ZNF560: variants seen among roughly 807,000 people sequenced by gnomAD.
ZNF560 encodes the protein zinc finger protein 560.
A neutral mutation model predicts 81.8 loss-of-function variants in ZNF560; 54 were observed. That is an observed-to-expected ratio of 0.66 (90% CI 0.53 to 0.83). The LOEUF is 0.83. ZNF560 is among the 40% of genes least tolerant of loss of function. The probability of loss-of-function intolerance (pLI) is 0.00; values close to 1 mark genes in which losing one functional copy is unlikely to be tolerated. For synonymous variants in ZNF560, 321 were observed against 317.9 expected (o/e 1.01, Z -0.10); for missense variants, 940 against 932.4 (o/e 1.01, Z -0.11).
chr19:9,493,555 G>T (rs1049969485), intron 2 of ZNF560, among the ~76,000 whole-genome samples: 1 of 151,870 alleles, frequency 6.6e-6, no homozygotes, highest in African/African-American at 2.4e-5. Flanking sequence ...AGAGACAGGG[G>T]TTCACCATGT....
chr19:9,484,669 G>A (rs565061109), intron 2 of ZNF560, among the ~76,000 whole-genome samples: 10 of 150,806 alleles, frequency 6.6e-5, no homozygotes, highest in South Asian at 6.3e-4. Context: ...CACAGCGCGC[G>A]CTACTTGGGA....
rs1234490005 is a variant in ZNF560, at chr19:9,486,689, A to G, written c.-56-11320T>C. Among the ~76,000 whole-genome samples, 5 of 151,962 alleles carry G rather than the reference A, an allele frequency of 3.3e-5. No individual in the cohort carries two copies. The East Asian group carries it at 7.7e-4, about 23-fold the overall frequency. On this transcript the variant is annotated intron_variant, in intron 2 of 9. Coordinates refer to ENST00000301480, the MANE Select transcript of ZNF560 (RefSeq NM_152476.3). Reference sequence around the variant, plus strand: ...CAGGAGGTGGAGGTTGCAGTGAGCCAAGATCATGCCACTGCACTCTAGCCT... The same window carrying G: ...CAGGAGGTGGAGGTTGCAGTGAGCCGAGATCATGCCACTGCACTCTAGCCT...
chr19:9,482,980 G>A (rs2144710820), intron 2 of ZNF560, among the ~76,000 whole-genome samples: 1 of 152,320 alleles, frequency 6.6e-6, no homozygotes, highest in Admixed American at 6.5e-5. Flanking sequence ...TGTTGCTCAG[G>A]CTGGAGTGCA....
chr19:9,494,063 C>T (rs148772180), intron 2 of ZNF560, among the ~76,000 whole-genome samples: 322 of 141,046 alleles, frequency 2.3e-3, no homozygotes, highest in African/African-American at 8.3e-3. Flanking sequence ...ACCTGGGAGG[C>T]GGAGGTTGCA....
At chr19:9,454,320 T>C in the ZNF560 span, among the ~76,000 whole-genome samples, 1 of 152,212 alleles carries the variant, frequency 6.6e-6, no homozygotes, top group African/African-American at 2.4e-5. Context: ...CATTGCACTC[T>C]CTTTTTGTGT....
At chr19:9,501,321 G>C (rs974157633), upstream of ZNF560, among the ~76,000 whole-genome samples, 4 of 128,990 alleles carry the variant, frequency 3.1e-5, no homozygotes, top group Admixed American at 2.6e-4. Flanking sequence ...ACCATGCCTG[G>C]CTACTTTGTG....
chr19:9,498,996 G>A (rs1226809742), upstream of ZNF560, among the ~76,000 whole-genome samples: 2 of 152,172 alleles, frequency 1.3e-5, no homozygotes, highest in African/African-American at 4.8e-5. Context: ...TTGATAACCT[G>A]CCAATCCACA....
intron 2 of ZNF560, among the ~76,000 whole-genome samples, chr19:9,485,689 G>A (rs1189193569): frequency 6.6e-6 from 1 of 151,832 alleles, no homozygotes; most frequent in Admixed American, 6.6e-5. Context: ...GGGATGACAG[G>A]CGTGCACTGC....
chr19:9,486,196 C>A (rs73501874), intron 2 of ZNF560, among the ~76,000 whole-genome samples: 2 of 152,082 alleles, frequency 1.3e-5, no homozygotes, highest in Non-Finnish European at 2.9e-5. Flanking sequence ...GATAATTACC[C>A]CTCTTCCTGG....
chr19:9,479,797 G>A (rs548118332), intron 2 of ZNF560, among the ~76,000 whole-genome samples: 10 of 152,006 alleles, frequency 6.6e-5, no homozygotes, highest in Non-Finnish European at 1.3e-4. Flanking sequence ...ATGAGAGGAT[G>A]TGCATGATTT....
Position 9,468,205 on chromosome 19 carries a change from C to T in ZNF560, c.742G>A (p.Ala248Thr). The change falls in exon 10 of 10, where the codon GCA becomes ACA. Residue 248 changes from alanine (A) to threonine (T), a missense_variant. Physicochemically the swap from Ala to Thr is moderately conservative, Grantham distance 58. Transcript: ENST00000301480. ...RGNTSECIQY[A>T]KDLLSLYNKT... ...TTGTATAGAGAAAGGAGGTCTTTTGCATACTGAATACATTCAGACGTGTTG... is the reference window on the plus strand; with the variant it reads ...TTGTATAGAGAAAGGAGGTCTTTTGTATACTGAATACATTCAGACGTGTTG... 6.2e-7 allele frequency: 1 copy of T among 1,614,134 alleles called. No individual in the cohort carries two copies. The highest frequency in any genetic ancestry group is 2.2e-5 in the East Asian group (1 of 44,866).
At chr19:9,464,426 G>A (rs559621645), downstream of ZNF560, among the ~76,000 whole-genome samples, 12 of 152,262 alleles carry the variant, frequency 7.9e-5, no homozygotes, top group Middle Eastern at 3.4e-3. Flanking sequence ...CACCTCTCCA[G>A]GTGAAGGGTT....
At chr19:9,478,752 C>G (rs2073240716) in intron 2 of ZNF560, among the ~76,000 whole-genome samples, 1 of 151,728 alleles carries the variant, frequency 6.6e-6, no homozygotes, top group Non-Finnish European at 1.5e-5. Flanking sequence ...AACCACAAAG[C>G]AAAAATGTAT....
chr19:9,502,586 G>C (rs1032270705), upstream of ZNF560, among the ~76,000 whole-genome samples: 4 of 152,322 alleles, frequency 2.6e-5, no homozygotes, highest in East Asian at 7.7e-4. Flanking sequence ...CAATTCATTT[G>C]TGAATTGACA....
the ZNF560 span, among the ~76,000 whole-genome samples, chr19:9,448,619 CT>C: frequency 1.3e-5 from 2 of 152,092 alleles, no homozygotes; most frequent in African/African-American, 4.8e-5. Flanking sequence ...GCCCACAGAC[CT>C]TTTGAAGCAA....
chr19:9,495,197 G>A (rs1413014112), intron 2 of ZNF560, among the ~76,000 whole-genome samples: 2 of 151,990 alleles, frequency 1.3e-5, no homozygotes, highest in Admixed American at 6.6e-5. Flanking sequence ...TTTCAGCTAA[G>A]GCAATTAAAC....
intron 2 of ZNF560, among the ~76,000 whole-genome samples, chr19:9,486,722 A>T (rs1233867687): frequency 6.6e-6 from 1 of 151,920 alleles, no homozygotes; most frequent in African/African-American, 2.4e-5. Flanking sequence ...CCTGGGTAAC[A>T]AGAGTGAGAC....
chr19:9,450,654 C>T, the ZNF560 span, among the ~76,000 whole-genome samples: 15 of 152,238 alleles, frequency 9.9e-5, 1 homozygote, highest in East Asian at 9.7e-4. Flanking sequence ...ATCAGCCTCC[C>T]GAGTATCTGG....
intron 2 of ZNF560, among the ~76,000 whole-genome samples, chr19:9,495,420 T>C (rs2073542180): frequency 6.6e-6 from 1 of 152,082 alleles, no homozygotes; most frequent in Admixed American, 6.5e-5. Context: ...ACTACACTTC[T>C]GGCCAGCCAC....
Sources: allele counts gnomAD v4.1 joint callset (sites outside exome capture counted in the v4.1 genomes callset), GRCh38; gene constraint gnomAD v4.1.1; transcripts MANE v1.5; gene names NCBI Gene and HGNC (gene_info 2026-07-23, HGNC 2026-07-21).